Variants in TEX14 observed in about 807,000 individuals in gnomAD.
The protein encoded by TEX14 is inactive serine/threonine-protein kinase TEX14.
TEX14 carries 168 observed loss-of-function variants against 178.6 expected under a neutral mutation model. The ratio of observed to expected loss-of-function variants is 0.94; its 90% confidence interval spans 0.83 to 1.07. The LOEUF (loss-of-function observed/expected upper bound fraction) is 1.07, where lower values mean the gene tolerates loss of function less well. Among genes scored for constraint, TEX14 ranks in the 50% least tolerant of loss-of-function variants. The pLI is 0.00. For synonymous variants in TEX14, 626 were observed against 634.1 expected (o/e 0.99, Z 0.19); for missense variants, 1,730 against 1,753.6 (o/e 0.99, Z 0.24).
intron 2 of TEX14, among the ~76,000 whole-genome samples, chr17:58,642,782 A>G (rs2046605087): frequency 6.6e-6 from 1 of 151,994 alleles, no homozygotes; most frequent in Admixed American, 6.6e-5. Flanking sequence ...ACCTCTCACC[A>G]TCCATCCCTT....
intron 19 of TEX14, among the ~76,000 whole-genome samples, chr17:58,580,218 G>A (rs2044778017): frequency 6.6e-6 from 1 of 152,112 alleles, no homozygotes; most frequent in African/African-American, 2.4e-5. Context: ...TGTTGCTCAA[G>A]CTGTTCTCAA....
chr17:58,584,090 G>A (rs769306483), intron 19 of TEX14, among the ~76,000 whole-genome samples: 3 of 152,152 alleles, frequency 2.0e-5, no homozygotes, highest in Non-Finnish European at 4.4e-5. Flanking sequence ...CACTGAGCTG[G>A]GTGCTGAGTT....
In TEX14 at chr17:58,679,163, G is replaced by GA. The variant is rs577569884; in HGVS notation, c.-2+12775dup. ...GAGCGAAACGCCGTCTCCAAGAAAA[G>GA]AAAAAAAACAGAAGGACTCTGGAGG... On this transcript the variant is annotated intron_variant, in intron 1 of 31. Transcript: ENST00000349033. Among the ~76,000 whole-genome samples, 161 of 150,700 alleles carry GA rather than the reference G, an allele frequency of 1.1e-3. 1 individual carries two copies. The highest frequency in any genetic ancestry group is 1.7e-3 in the Non-Finnish European group (112 of 67,540).
Position 58,585,802 on chromosome 17 carries a change from G to C in TEX14, c.3069C>G (p.Thr1023=). 1 of 1,613,586 alleles carries C rather than the reference G, an allele frequency of 6.2e-7. No individual in the cohort carries two copies. Among genetic ancestry groups the C allele is most frequent in the Non-Finnish European group, 8.5e-7 (1 of 1,179,714 alleles). The part of the protein sequence containing the change: ...HGRQPRLGSF[T]SIRHPSPRQK... ...CCTGATTCCCGCAAGTGAACTTACT[G>C]GTGAAGCTTCCAAGCCTGGGCTGTC... Residue 1023 remains threonine, a splice_region_variant and synonymous_variant, in exon 18 of 32, where the codon ACC becomes ACG. Coordinates refer to ENST00000349033, the MANE Select transcript of TEX14 (RefSeq NM_031272.5).
intron 2 of TEX14, among the ~76,000 whole-genome samples, chr17:58,642,206 C>G (rs1173019935): frequency 6.6e-6 from 1 of 152,230 alleles, no homozygotes; most frequent in Middle Eastern, 3.2e-3. Context: ...AGTCACTTAA[C>G]TTCCTGCTGT....
chr17:58,569,172 C>T lies in TEX14; in HGVS notation c.3886+20G>A. 6.2e-7 allele frequency: 1 copy of T among 1,601,964 alleles called. No homozygotes were observed. Among genetic ancestry groups the T allele is most frequent in the Non-Finnish European group, 8.6e-7 (1 of 1,169,198 alleles). Reference sequence around the variant, plus strand: ...AACTAACAGGGCCGAGAAGTATATTCTGTATTGAACATCTCTTACCAATGT... The same window carrying T: ...AACTAACAGGGCCGAGAAGTATATTTTGTATTGAACATCTCTTACCAATGT... On this transcript the variant is annotated intron_variant, in intron 26 of 31. Coordinates refer to ENST00000349033, the MANE Select transcript of TEX14 (RefSeq NM_031272.5). This position sits in a 1 kb window ranked among gnomAD's most constrained non-coding sequence, Gnocchi z 4.1.
intron 1 of TEX14, chr17:58,659,300 A>G (rs941675221): frequency 3.1e-6 from 3 of 971,440 alleles, no homozygotes; most frequent in Non-Finnish European, 3.7e-6. Flanking sequence ...CCCGCCACAA[A>G]GACATTATTT....
chr17:58,687,172 G>C (rs1266080410), intron 1 of TEX14, among the ~76,000 whole-genome samples: 1 of 152,032 alleles, frequency 6.6e-6, no homozygotes, highest in Non-Finnish European at 1.5e-5. Flanking sequence ...AGATTTGCTG[G>C]AGGCAATCAC....
rs73996253 is a variant in TEX14, at chr17:58,651,994, C to G, written c.8G>C (p.Arg3Pro). Residue 3 changes from arginine (R) to proline (P), a missense_variant, in exon 2 of 32, where the codon CGG becomes CCG. Arg to Pro is a moderately radical substitution (Grantham distance 103, BLOSUM62 -2). Coordinates refer to ENST00000349033, the MANE Select transcript of TEX14 (RefSeq NM_031272.5). ...ACAGGGGACTGGAAGACGAACAGCC[C>G]GAGACATCCTGTTCCAAAAGAGAGC... is the stretch of plus-strand genomic sequence containing the variant. MS[R>P]AVRLPVPCPV... 3.8e-6 allele frequency: 6 copies of G among 1,578,364 alleles called. No individual in the cohort carries two copies. Among genetic ancestry groups the G allele is most frequent in the Non-Finnish European group, 4.3e-6 (5 of 1,166,406 alleles).
At chr17:58,652,292 CTTGAA>C (rs1479157465) in intron 1 of TEX14, among the ~76,000 whole-genome samples, 2 of 152,020 alleles carry the variant, frequency 1.3e-5, no homozygotes, top group African/African-American at 4.8e-5. Flanking sequence ...CAAATCTCAC[CTTGAA>C]TTGTAGTTCC....
In TEX14 at chr17:58,651,880, T is replaced by A. The variant is rs757403613; in HGVS notation, c.122A>T (p.Lys41Ile). ...ATGGTGCTTACCTTTCTTAAGAATT[T>A]TCTTCACTTTCACATAGTTCCCTTG... ...VKQGNYVKVKKILKKGIYVDA... is the reference protein window; with the variant it reads ...VKQGNYVKVKIILKKGIYVDA... Residue 41 changes from lysine to isoleucine, a missense_variant, in exon 2 of 32, where the codon AAA becomes ATA. Physicochemically the swap from Lys to Ile is moderately radical, Grantham distance 102. This residue lies in a region of TEX14 where 789 missense variants were observed against 681.2 expected (regional missense o/e 1.16). Coordinates refer to ENST00000349033, the MANE Select transcript of TEX14 (RefSeq NM_031272.5). 9.3e-6 allele frequency: 15 copies of A among 1,605,902 alleles called. 1 individual carries two copies. The highest frequency in any genetic ancestry group is 1.7e-4 in the Middle Eastern group (1 of 6,018).
At chr17:58,604,733 G>T (rs1042278234) in intron 11 of TEX14, among the ~76,000 whole-genome samples, 7 of 151,660 alleles carry the variant, frequency 4.6e-5, no homozygotes, top group African/African-American at 1.7e-4. Context: ...GCTAATTTTT[G>T]TATTTTTAGT....
intron 19 of TEX14, among the ~76,000 whole-genome samples, chr17:58,582,073 C>A (rs979198821): frequency 1.3e-5 from 2 of 152,158 alleles, no homozygotes; most frequent in Non-Finnish European, 2.9e-5. Context: ...TTTAAACACA[C>A]TAATCCCTCA....
At chr17:58,622,519 G>A (rs189919323) in intron 4 of TEX14, among the ~76,000 whole-genome samples, 10 of 151,824 alleles carry the variant, frequency 6.6e-5, no homozygotes, top group African/African-American at 4.8e-5. Flanking sequence ...GTACAATAAG[G>A]ACATTAATAG....
At chr17:58,651,443 T>C (rs1456720667) in intron 2 of TEX14, among the ~76,000 whole-genome samples, 1 of 152,146 alleles carries the variant, frequency 6.6e-6, no homozygotes, top group Non-Finnish European at 1.5e-5. Flanking sequence ...GCCTGTATCC[T>C]TCAGCTAGAA....
chr17:58,648,353 T>C (rs1356585366), intron 2 of TEX14, among the ~76,000 whole-genome samples: 2 of 152,210 alleles, frequency 1.3e-5, no homozygotes, highest in Non-Finnish European at 2.9e-5. Context: ...GCCTCTCTGG[T>C]TGGGATCCTT....
At chr17:58,655,623 A>T (rs971488981) in intron 1 of TEX14, among the ~76,000 whole-genome samples, 1 of 152,082 alleles carries the variant, frequency 6.6e-6, no homozygotes, top group Non-Finnish European at 1.5e-5. Flanking sequence ...CCTGGCCAAT[A>T]AACTCCCTTC....
At chr17:58,615,482 C>T in intron 7 of TEX14, 137 bp from the exon 8 acceptor site, 1 of 647,776 alleles carries the variant, frequency 1.5e-6, no homozygotes, top group Non-Finnish European at 2.7e-6. Flanking sequence ...ACTACTGGGT[C>T]CTCTCTCCCA....
intron 3 of TEX14, among the ~76,000 whole-genome samples, chr17:58,628,436 G>A (rs2046200157): frequency 6.6e-6 from 1 of 152,208 alleles, no homozygotes. Context: ...AATTAGGCCG[G>A]GCGCAGTGGC....
Sources: gnomAD v4.1 joint callset for allele counts (sites outside exome capture counted in the v4.1 genomes callset) on GRCh38, gnomAD v4.1.1 for gene constraint, gnomAD v4.1.1 regional missense constraint, Gnocchi (gnomAD v3.1) non-coding constraint, MANE v1.5 for transcripts, NCBI Gene and HGNC (gene_info 2026-07-23, HGNC 2026-07-21) for gene names.